The following VRK2 variants were observed in gnomAD, a reference collection of about 807,000 sequenced individuals.
VRK2 encodes VRK serine/threonine kinase 2.
VRK2 carries 60 observed loss-of-function variants against 57.6 expected under a neutral mutation model. The ratio of observed to expected loss-of-function variants is 1.04; its 90% CI spans 0.85 to 1.29. VRK2 has a LOEUF of 1.29. Ranked by LOEUF, VRK2 falls within the 50% of genes most tolerant of loss-of-function variation. VRK2 has a pLI of 0.00. For missense variants in VRK2, 705 were observed against 588.1 expected, an observed-to-expected ratio of 1.20 and a Z score of -2.06; for synonymous variants, 231 against 199.2, an observed-to-expected ratio of 1.16 and a Z score of -1.35.
chr2:58,127,560 T>C (rs1678555052), intron 8 of VRK2, among the ~76,000 whole-genome samples: 1 of 152,178 alleles, frequency 6.6e-6, no homozygotes, highest in East Asian at 1.9e-4. Flanking sequence ...CCATAAAATA[T>C]TCTGGATCTT....
At chr2:58,015,130 G>A (rs1159177355) in intron 1 of VRK2, among the ~76,000 whole-genome samples, 3 of 151,960 alleles carry the variant, frequency 2.0e-5, no homozygotes, top group Non-Finnish European at 4.4e-5. Flanking sequence ...GGAATATTTA[G>A]CTTATATTTC....
Position 58,136,850 on chromosome 2 carries a change from CAT to C in VRK2, c.856+1658_856+1659del, listed in dbSNP as rs1392761177. Among the ~76,000 whole-genome samples, 498 of 124,050 alleles carry C rather than the reference CAT, an allele frequency of 4.0e-3. 14 individuals are homozygous for C. Among genetic ancestry groups the C allele is most frequent in the African/African-American group, 0.016 (435 of 27,620 alleles). 81.4% of individuals were successfully genotyped at this position (124,050 alleles called of 152,430 possible). A position where few individuals can be genotyped will look rare whatever the true frequency, so the allele number is the denominator to read the frequency against. ...TGTATATATATCATATATATTATAT[CAT>C]ATATATGTGTATATATATCATATAT... On this transcript the variant is annotated intron_variant, in intron 10 of 12. Coordinates refer to ENST00000340157, the MANE Select transcript of VRK2 (RefSeq NM_006296.7).
At chr2:57,997,437 T>C (rs933783845) in intron 1 of VRK2, among the ~76,000 whole-genome samples, 1 of 152,148 alleles carries the variant, frequency 6.6e-6, no homozygotes, top group Non-Finnish European at 1.5e-5. Context: ...GAAACTACTA[T>C]GCATTGAAGT....
At chr2:58,010,449 A>G (rs1043555371) in intron 1 of VRK2, among the ~76,000 whole-genome samples, 3 of 152,010 alleles carry the variant, frequency 2.0e-5, no homozygotes, top group Non-Finnish European at 4.4e-5. Context: ...ATTTAATATC[A>G]AGGGTTAGTG....
chr2:58,070,503 C>G (rs576876741), intron 2 of VRK2, among the ~76,000 whole-genome samples: 1 of 152,268 alleles, frequency 6.6e-6, no homozygotes, highest in South Asian at 2.1e-4. Context: ...CAGGCAACCA[C>G]TTCTCTTTCT....
chr2:57,918,830 T>C (rs1670239868), intron 1 of VRK2, among the ~76,000 whole-genome samples: 2 of 152,126 alleles, frequency 1.3e-5, no homozygotes, highest in South Asian at 4.1e-4. Flanking sequence ...TGAAATTCCA[T>C]GAGCCCAGTC....
intron 1 of VRK2, among the ~76,000 whole-genome samples, chr2:57,973,497 C>T (rs1672157035): frequency 6.6e-6 from 1 of 151,776 alleles, no homozygotes; most frequent in African/African-American, 2.4e-5. Flanking sequence ...GATTTTTTCA[C>T]TTTAAAATCT....
chr2:57,988,138 G>C (rs1018691900), intron 1 of VRK2, among the ~76,000 whole-genome samples: 4 of 152,092 alleles, frequency 2.6e-5, no homozygotes, highest in African/African-American at 9.7e-5. Flanking sequence ...TATAAAAAAA[G>C]GGTGTGTCAC....
intron 1 of VRK2, among the ~76,000 whole-genome samples, chr2:57,927,581 T>G (rs1225754951): frequency 6.6e-6 from 1 of 152,204 alleles, no homozygotes; most frequent in East Asian, 1.9e-4. Context: ...TATAAGTAGT[T>G]TATGAACCAC....
chr2:58,138,358 C>T (rs1172934977), intron 10 of VRK2, among the ~76,000 whole-genome samples: 4 of 151,620 alleles, frequency 2.6e-5, no homozygotes, highest in African/African-American at 9.7e-5. Context: ...TCTGGTTGAC[C>T]GAATGCTAGA....
chr2:58,076,837 A>T (rs1670186196), intron 2 of VRK2, among the ~76,000 whole-genome samples: 1 of 151,940 alleles, frequency 6.6e-6, no homozygotes, highest in East Asian at 1.9e-4. Context: ...TTTATACTTT[A>T]AAATTTTATT....
chr2:58,037,030 G>A (rs1475948841), intron 3 of VRK2, among the ~76,000 whole-genome samples: 1 of 151,806 alleles, frequency 6.6e-6, no homozygotes, highest in Non-Finnish European at 1.5e-5. Context: ...TCTTGTCCTG[G>A]ACTCAAGCCA....
chr2:58,051,978 CAAAT>C (rs1456384693), intron 2 of VRK2, among the ~76,000 whole-genome samples: 4 of 152,028 alleles, frequency 2.6e-5, no homozygotes, highest in African/African-American at 4.8e-5. Flanking sequence ...ATTTTAGTAT[CAAAT>C]GAATGAAAAA....
intron 10 of VRK2, among the ~76,000 whole-genome samples, chr2:58,138,388 T>C (rs1210444654): frequency 1.3e-5 from 2 of 151,968 alleles, no homozygotes; most frequent in Non-Finnish European, 2.9e-5. Context: ...TTGATAAAAA[T>C]AGATGAAAAA....
chr2:58,047,348 T>A, intron 1 of VRK2: 1 of 873,540 alleles, frequency 1.1e-6, no homozygotes, highest in Non-Finnish European at 1.4e-6. Flanking sequence ...CGGAAACTCG[T>A]GTTGAGGACT....
At chr2:58,026,836 A>T (rs547538769) in intron 2 of VRK2, 7 of 151,486 alleles carry the variant, frequency 4.6e-5, no homozygotes, top group African/African-American at 1.7e-4. Context: ...CTTTCACCTC[A>T]GCCTTCTAAG....
At chr2:58,156,558 T>G (rs1683882963) in intron 12 of VRK2, among the ~76,000 whole-genome samples, 1 of 151,514 alleles carries the variant, frequency 6.6e-6, no homozygotes, top group Non-Finnish European at 1.5e-5. Context: ...TATGTTGCTG[T>G]ACCTCAGGTT....
chr2:57,916,409 G>A (rs890033241), intron 1 of VRK2, among the ~76,000 whole-genome samples: 70 of 131,662 alleles, frequency 5.3e-4, no homozygotes, highest in East Asian at 6.8e-4. Context: ...TCGTCTCAGA[G>A]AAAAAAAAAA....
At chr2:58,041,916 T>G (rs1421522650), upstream of VRK2, among the ~76,000 whole-genome samples, 2 of 151,612 alleles carry the variant, frequency 1.3e-5, no homozygotes, top group South Asian at 2.1e-4. Context: ...TCCCCCCTCC[T>G]ACCCCCCTTT....
Sources: gnomAD v4.1 joint callset for allele counts (sites outside exome capture counted in the v4.1 genomes callset) on GRCh38, gnomAD v4.1.1 for gene constraint, MANE v1.5 for transcripts, NCBI Gene and HGNC (gene_info 2026-07-23, HGNC 2026-07-21) for gene names.